DYNC2H1: variants seen among roughly 807,000 people sequenced by gnomAD.
The protein encoded by DYNC2H1 is dynein cytoplasmic 2 heavy chain 1, also known as cytoplasmic dynein 2 heavy chain 1.
Under a neutral mutation model 570.0 loss-of-function variants are expected in DYNC2H1, and 410 were observed. The observed-to-expected ratio is 0.72, with a 90% CI of 0.66 to 0.78. The LOEUF is 0.78. Ranked by LOEUF, DYNC2H1 falls within the 30% of genes least tolerant of loss-of-function variation. DYNC2H1 has a pLI of 0.00. For synonymous variants in DYNC2H1, 1,688 were observed against 1,677.6 expected, an observed-to-expected ratio of 1.01 and a Z score of -0.15; for missense variants, 4,865 against 5,046.4, an observed-to-expected ratio of 0.96 and a Z score of 1.09.
At chr11:103,165,574 GA>G (rs35279718) in intron 30 of DYNC2H1, among the ~76,000 whole-genome samples, 1 of 152,152 alleles carries the variant, frequency 6.6e-6, no homozygotes, top group Non-Finnish European at 1.5e-5. Flanking sequence ...TTTACTGGTT[GA>G]AAAGAAGCCA....
At chr11:103,212,269 A>G (rs1392809231) in intron 54 of DYNC2H1, among the ~76,000 whole-genome samples, 3 of 152,040 alleles carry the variant, frequency 2.0e-5, no homozygotes, top group Non-Finnish European at 4.4e-5. Context: ...TCAGCATAAG[A>G]TGATACAGTG....
intron 54 of DYNC2H1, among the ~76,000 whole-genome samples, chr11:103,214,018 AAGG>A (rs1265700654): frequency 6.6e-6 from 1 of 152,138 alleles, no homozygotes; most frequent in Non-Finnish European, 1.5e-5. Context: ...ATGATGACAG[AAGG>A]AGGTCTAGTT....
rs924092766 is a variant in DYNC2H1 at position 103,204,137 on chromosome 11, C to A, written c.8311+361C>A. On this transcript the variant is annotated intron_variant, in intron 51 of 88. Transcript: ENST00000375735. The surrounding 1 kb of genome is among the most constrained non-coding windows in gnomAD (Gnocchi z 4.1). Reference sequence around the variant, plus strand: ...GCAAAGGAGGGCTTGTGCAGAAAAACTCCTGTTTTTAAAACCATGAGATCT... The same window carrying A: ...GCAAAGGAGGGCTTGTGCAGAAAAAATCCTGTTTTTAAAACCATGAGATCT... 6.6e-6 allele frequency among the ~76,000 whole-genome samples: 1 copy of A among 152,032 alleles called. No homozygotes were observed. The highest frequency in any genetic ancestry group is 6.6e-5 in the Admixed American group (1 of 15,242).
At chr11:103,309,831 A>G (rs773070860) in intron 78 of DYNC2H1, among the ~76,000 whole-genome samples, 9 of 152,108 alleles carry the variant, frequency 5.9e-5, no homozygotes, top group Non-Finnish European at 1.2e-4. Context: ...ATAAGAGAGT[A>G]TTATTATACC....
At chr11:103,124,620 A>G (rs952664155) in intron 11 of DYNC2H1, among the ~76,000 whole-genome samples, 7 of 152,134 alleles carry the variant, frequency 4.6e-5, no homozygotes, top group Non-Finnish European at 7.3e-5. Context: ...ACAAAAAAGG[A>G]CAATTATTAG....
In DYNC2H1 at chr11:103,280,505, A is replaced by G; in HGVS notation, c.10761+92A>G. 9.2e-7 allele frequency: 1 copy of G among 1,092,886 alleles called. No homozygotes were observed. The highest frequency in any genetic ancestry group is 1.3e-6 in the Non-Finnish European group (1 of 741,290). The allele number at this position is 1,092,886 out of a possible 1,614,324, so 67.7% of individuals were successfully genotyped here. ...TTAGATTAGAAATTATTTAGGCTAG[A>G]AATTATATATCAACCTATTAATCTT... On this transcript the variant is annotated intron_variant, in intron 71 of 88. Coordinates refer to ENST00000375735, the MANE Select transcript of DYNC2H1 (RefSeq NM_001377.3). The surrounding 1 kb of genome is among the most constrained non-coding windows in gnomAD (Gnocchi z 4.7).
rs1860520625 is a variant in DYNC2H1, at chr11:103,151,239, C to A, written c.2947-897C>A. On this transcript the variant is annotated intron_variant, in intron 20 of 88. Transcript: ENST00000375735. The surrounding 1 kb of genome is among the most constrained non-coding windows in gnomAD (Gnocchi z 4.6). Reference sequence around the variant, plus strand: ...TCAGCCTCCTCAGTAGCTAGGAGTACAGGTGTGCACCACCATGCCCAGTTA... The same window carrying A: ...TCAGCCTCCTCAGTAGCTAGGAGTAAAGGTGTGCACCACCATGCCCAGTTA... Among the ~76,000 whole-genome samples, 1 of 152,094 alleles carries A rather than the reference C, an allele frequency of 6.6e-6. No homozygotes were observed. Among genetic ancestry groups the A allele is most frequent in the Admixed American group, 6.6e-5 (1 of 15,238 alleles).
chr11:103,350,006 C>G (rs576817264), intron 82 of DYNC2H1, among the ~76,000 whole-genome samples: 1 of 152,166 alleles, frequency 6.6e-6, no homozygotes, highest in South Asian at 2.1e-4. Flanking sequence ...TCTCCTGTCT[C>G]ATTTTAACAT....
chr11:103,116,442 A>G, intron 4 of DYNC2H1, 128 bp from the exon 5 acceptor site: 2 of 579,506 alleles, frequency 3.5e-6, no homozygotes, highest in Non-Finnish European at 2.6e-6. Context: ...AAGCTGTTAG[A>G]AAAAGGAGGA....
In DYNC2H1 at chr11:103,170,925, T is replaced by A. The variant is rs1318972447; in HGVS notation, c.5191T>A (p.Leu1731Met). Residue 1731 changes from leucine to methionine, a missense_variant, in exon 34 of 89, where the codon TTG becomes ATG. This residue lies in a region of DYNC2H1 where 292 missense variants were observed against 300.2 expected (regional missense o/e 0.97). Transcript: ENST00000375735. This position sits in a 1 kb window ranked among gnomAD's most constrained non-coding sequence, Gnocchi z 4.8. Reference protein sequence around the residue: ...VKSMGRIFVGLVKCGAWGCFD... With the variant: ...VKSMGRIFVGMVKCGAWGCFD... ...GTCAATGGGACGAATATTTGTTGGT[T>A]TGGTGAAGTGTGGGGCCTGGGGTTG... is the stretch of plus-strand genomic sequence containing the variant. 1.9e-6 allele frequency: 3 copies of A among 1,590,260 alleles called. No individual in the cohort carries two copies. Among genetic ancestry groups the A allele is most frequent in the Non-Finnish European group, 2.6e-6 (3 of 1,164,888 alleles).
At chr11:103,376,387 C>T (rs1941394096) in intron 83 of DYNC2H1, among the ~76,000 whole-genome samples, 1 of 152,102 alleles carries the variant, frequency 6.6e-6, no homozygotes, top group Non-Finnish European at 1.5e-5. Flanking sequence ...GATCTTTGGT[C>T]CTTTCTTCTT....
chr11:103,140,972 G>T (rs1329260625), intron 17 of DYNC2H1, among the ~76,000 whole-genome samples: 1 of 151,526 alleles, frequency 6.6e-6, no homozygotes, highest in Non-Finnish European at 1.5e-5. Flanking sequence ...TCCATTGCTG[G>T]TACCCTTTCT....
At chr11:103,127,988 G>A (rs968897718) in intron 12 of DYNC2H1, among the ~76,000 whole-genome samples, 13 of 152,162 alleles carry the variant, frequency 8.5e-5, no homozygotes, top group African/African-American at 2.9e-4. Flanking sequence ...TTGATGAAGA[G>A]GTAACATTTG....
Position 103,165,935 on chromosome 11 carries a change from A to T in DYNC2H1, c.4649A>T (p.Asp1550Val), listed in dbSNP as rs541334553. 3 of 1,512,090 alleles carry T rather than the reference A, an allele frequency of 2.0e-6. No homozygotes were observed. The Admixed American group carries it at 6.5e-5, about 33-fold the overall frequency. The allele number at this position is 1,512,090 out of a possible 1,614,324, so 93.7% of individuals were successfully genotyped here. Residue 1550 changes from aspartate to valine, a missense_variant, in exon 31 of 89, where the codon GAT becomes GTT. Physicochemically the swap from Asp to Val is radical, Grantham distance 152. Transcript: ENST00000375735. ...CLAEQIKFTEDVENAIKDHSL... is the reference protein window; with the variant it reads ...CLAEQIKFTEVVENAIKDHSL... ...GCGGAGCAGATTAAATTCACTGAAG[A>T]TGTAGAAAATGCTATTAAAGATCAT... is the stretch of plus-strand genomic sequence containing the variant.
At chr11:103,195,500 A>G (rs1862480533) in intron 47 of DYNC2H1, among the ~76,000 whole-genome samples, 1 of 152,204 alleles carries the variant, frequency 6.6e-6, no homozygotes. Flanking sequence ...CCATTGATGT[A>G]TGTATCTGTC....
At chr11:103,426,079 C>G (rs930289249) in intron 84 of DYNC2H1, among the ~76,000 whole-genome samples, 1 of 149,734 alleles carries the variant, frequency 6.7e-6, no homozygotes, top group Admixed American at 6.7e-5. Flanking sequence ...TTAAGGCGTT[C>G]CTAAACCACA....
Position 103,204,781 on chromosome 11 carries a change from T to G in DYNC2H1, c.8312-41T>G. The G allele has an allele frequency of 1.3e-6, 2 of 1,526,436 alleles. No individual in the cohort carries two copies. Among genetic ancestry groups the G allele is most frequent in the Non-Finnish European group, 1.8e-6 (2 of 1,126,940 alleles). 94.6% of individuals were successfully genotyped at this position (1,526,436 alleles called of 1,614,324 possible). On this transcript the variant is annotated intron_variant, in intron 51 of 88. Coordinates refer to ENST00000375735, the MANE Select transcript of DYNC2H1 (RefSeq NM_001377.3). The surrounding 1 kb of genome is among the most constrained non-coding windows in gnomAD (Gnocchi z 4.1). ...TGATCTCTTTAACCCAGACCACGTA[T>G]AGATTGCCTGATTGTATTATTATTC...
At chr11:103,309,841 C>G (rs1016086901) in intron 78 of DYNC2H1, among the ~76,000 whole-genome samples, 1 of 151,992 alleles carries the variant, frequency 6.6e-6, no homozygotes, top group Non-Finnish European at 1.5e-5. Context: ...ATTATTATAC[C>G]AGGTAAACTG....
intron 75 of DYNC2H1, among the ~76,000 whole-genome samples, chr11:103,290,048 A>G (rs1026653932): frequency 6.6e-6 from 1 of 151,500 alleles, no homozygotes; most frequent in Non-Finnish European, 1.5e-5. Flanking sequence ...TCTTGTAAGG[A>G]CACCAGTCAT....
Sources: gnomAD v4.1 joint callset for allele counts (sites outside exome capture counted in the v4.1 genomes callset) on GRCh38, gnomAD v4.1.1 for gene constraint, gnomAD v4.1.1 regional missense constraint, Gnocchi (gnomAD v3.1) non-coding constraint, MANE v1.5 for transcripts, NCBI Gene and HGNC (gene_info 2026-07-23, HGNC 2026-07-21) for gene names.